Variants in ACVR1C observed in about 807,000 individuals in gnomAD.
ACVR1C encodes activin receptor type-1C.
Under a neutral mutation model 57.9 loss-of-function variants are expected in ACVR1C, and 23 were observed. The ratio of observed to expected loss-of-function variants is 0.40; its 90% CI spans 0.29 to 0.56. The LOEUF (loss-of-function observed/expected upper bound fraction) is 0.56. Among genes scored for constraint, ACVR1C ranks in the 20% least tolerant of loss-of-function variants. ACVR1C has a pLI of 0.50. For synonymous variants in ACVR1C, 214 were observed against 215.3 expected (o/e 0.99, Z 0.05); for missense variants, 480 against 607.9 (o/e 0.79, Z 2.21).
chr2:157,555,111 T>TG (rs1418356807), intron 3 of ACVR1C, among the ~76,000 whole-genome samples: 1 of 116,882 alleles, frequency 8.6e-6, no homozygotes, highest in East Asian at 2.2e-4. Context: ...CTTTTTTTTT[T>TG]TTTTTTTTTT....
chr2:157,538,481 G>A, intron 8 of ACVR1C, 92 bp downstream of exon 8: 1 of 1,226,436 alleles, frequency 8.2e-7, no homozygotes, highest in Non-Finnish European at 1.1e-6. Flanking sequence ...TATATGGAAT[G>A]AATTGGAAAA....
At position 157,526,882 on chromosome 2, in the gene ACVR1C, T is replaced by C. The variant is rs1048783504; in HGVS notation, c.*7036A>G. 1.3e-5 allele frequency: 2 copies of C among 152,152 alleles called. No individual in the cohort carries two copies. Among genetic ancestry groups the C allele is most frequent in the African/African-American group, 4.8e-5 (2 of 41,432 alleles). 9.4% of individuals were successfully genotyped at this position (152,152 alleles called of 1,614,324 possible). Reference sequence around the variant, plus strand: ...TACAAAACAATACATTTTCAGAAAATGCATACATAAAAATATAACATTTAG... The same window carrying C: ...TACAAAACAATACATTTTCAGAAAACGCATACATAAAAATATAACATTTAG... On this transcript the variant is annotated 3_prime_UTR_variant, in exon 9 of 9. Coordinates refer to ENST00000243349, the MANE Select transcript of ACVR1C (RefSeq NM_145259.3).
chr2:157,563,294 A>G (rs1459681279), intron 2 of ACVR1C, among the ~76,000 whole-genome samples: 1 of 152,212 alleles, frequency 6.6e-6, no homozygotes, highest in African/African-American at 2.4e-5. Context: ...ATCAATGTGC[A>G]AAAATCACAA....
At chr2:157,539,873 T>C (rs1016700938) in intron 7 of ACVR1C, among the ~76,000 whole-genome samples, 7 of 152,156 alleles carry the variant, frequency 4.6e-5, no homozygotes, top group Non-Finnish European at 8.8e-5. Context: ...TAATATCATC[T>C]ATGAATAAAA....
intron 8 of ACVR1C, among the ~76,000 whole-genome samples, chr2:157,537,131 A>T (rs1687508806): frequency 6.6e-6 from 1 of 152,132 alleles, no homozygotes; most frequent in Non-Finnish European, 1.5e-5. Context: ...AGTTTCACAA[A>T]TATGCAAAAG....
rs919125680 is a variant in ACVR1C at position 157,587,331 on chromosome 2, T to C, written c.160A>G (p.Asn54Asp). Residue 54 changes from asparagine (N) to aspartate (D), a missense_variant, in exon 2 of 9, where the codon AAT (asparagine) becomes GAT (aspartate). Coordinates refer to ENST00000243349, the MANE Select transcript of ACVR1C (RefSeq NM_145259.3). ...GACWASVMLTNGKEQVIKSCV... is the reference protein window; with the variant it reads ...GACWASVMLTDGKEQVIKSCV... The stretch of plus-strand genomic sequence containing the variant: ...GATTTGATCACCTGCTCTTTTCCAT[T>C]GGTTAGCATGACTGATGCCCAACAT... The C allele has an allele frequency of 3.7e-6, 6 of 1,613,734 alleles. No homozygotes were observed. Among genetic ancestry groups the C allele is most frequent in the Non-Finnish European group, 5.1e-6 (6 of 1,179,672 alleles).
chr2:157,544,202 A>ATTT (rs765521635), intron 5 of ACVR1C, among the ~76,000 whole-genome samples: 7 of 116,958 alleles, frequency 6.0e-5, no homozygotes, highest in East Asian at 2.4e-4. Flanking sequence ...CCACAACCAG[A>ATTT]TTTTTTTTTT....
rs1687322187 is a variant in ACVR1C at position 157,530,110 on chromosome 2, T to C, written c.*3808A>G. The C allele has an allele frequency of 6.6e-6, 1 of 152,140 alleles. No homozygotes were observed. The highest frequency in any genetic ancestry group is 1.5e-5 in the Non-Finnish European group (1 of 67,996). 9.4% of individuals were successfully genotyped at this position (152,140 alleles called of 1,614,324 possible). On this transcript the variant is annotated 3_prime_UTR_variant, in exon 9 of 9. Coordinates refer to ENST00000243349, the MANE Select transcript of ACVR1C (RefSeq NM_145259.3). ...TGGTGCCATTTTAAGATACGAATACTAAACATTTCTAAGTAGCTTGTAATG... is the reference window on the plus strand; with the variant it reads ...TGGTGCCATTTTAAGATACGAATACCAAACATTTCTAAGTAGCTTGTAATG...
At chr2:157,615,631 C>T (rs945310088) in intron 1 of ACVR1C, among the ~76,000 whole-genome samples, 1 of 152,094 alleles carries the variant, frequency 6.6e-6, no homozygotes, top group Non-Finnish European at 1.5e-5. Flanking sequence ...CCACCTTGGC[C>T]TCCCAAAGTG....
At chr2:157,589,767 T>C (rs1339566832) in intron 1 of ACVR1C, among the ~76,000 whole-genome samples, 9 of 151,872 alleles carry the variant, frequency 5.9e-5, no homozygotes, top group Admixed American at 5.9e-4. Flanking sequence ...ATTACCCAAC[T>C]TCAAATTATA....
rs187923164 is a variant in ACVR1C at position 157,557,190 on chromosome 2, A to C, written c.305-858T>G. ...AAAAAAAAAAAAGCAGGGAAGAAAG[A>C]AGGAGTGATGGTGGGATGAAAAGGA... On this transcript the variant is annotated intron_variant, in intron 2 of 8. Transcript: ENST00000243349. 2.0e-4 allele frequency among the ~76,000 whole-genome samples: 31 copies of C among 151,784 alleles called. No individual in the cohort carries two copies. In the East Asian group the frequency reaches 5.4e-3, roughly 26 times the overall value.
intron 2 of ACVR1C, among the ~76,000 whole-genome samples, chr2:157,576,830 A>ATTTTTTTTTT (rs1688665585): frequency 1.5e-5 from 1 of 68,304 alleles, no homozygotes; most frequent in African/African-American, 7.2e-5. Context: ...GGGCTTTGAA[A>ATTTTTTTTTT]TTTTCTTTTT....
chr2:157,530,711 T>C lies in ACVR1C; in HGVS notation c.*3207A>G, dbSNP rs977952614. 5.9e-5 allele frequency: 9 copies of C among 152,118 alleles called. No homozygotes were observed. Among genetic ancestry groups the C allele is most frequent in the Non-Finnish European group, 8.8e-5 (6 of 67,992 alleles). The allele number at this position is 152,118 out of a possible 1,614,324, so 9.4% of individuals were successfully genotyped here. On this transcript the variant is annotated 3_prime_UTR_variant, in exon 9 of 9. Coordinates refer to ENST00000243349, the MANE Select transcript of ACVR1C (RefSeq NM_145259.3). ...GTATAAAGATGAAAAGCAAGTGCTA[T>C]GCCTAAAATAGTGCACGACAGTCAT...
chr2:157,615,538 C>T (rs1235089344), intron 1 of ACVR1C, among the ~76,000 whole-genome samples: 2 of 152,062 alleles, frequency 1.3e-5, no homozygotes, highest in African/African-American at 2.4e-5. Context: ...CCATACCTGG[C>T]TAATTTTTTT....
intron 6 of ACVR1C, among the ~76,000 whole-genome samples, chr2:157,542,183 G>A (rs1477447881): frequency 6.6e-6 from 1 of 152,030 alleles, no homozygotes; most frequent in Non-Finnish European, 1.5e-5. Flanking sequence ...TAAAAATATA[G>A]GTAATACATA....
intron 5 of ACVR1C, 30 bp downstream of exon 5, chr2:157,544,415 G>C (rs1384546714): frequency 4.4e-6 from 7 of 1,578,434 alleles, no homozygotes; most frequent in Non-Finnish European, 6.0e-6. Flanking sequence ...CATATTCAAA[G>C]TGGAAAAAAA....
At chr2:157,536,935 T>C (rs895111394) in intron 8 of ACVR1C, among the ~76,000 whole-genome samples, 1 of 152,174 alleles carries the variant, frequency 6.6e-6, no homozygotes, top group Non-Finnish European at 1.5e-5. Flanking sequence ...GGAAAATCTA[T>C]AAATGTAAGT....
chr2:157,561,456 C>T lies in ACVR1C; in HGVS notation c.305-5124G>A, dbSNP rs189970849. Among the ~76,000 whole-genome samples, 42 of 152,254 alleles carry T rather than the reference C, an allele frequency of 2.8e-4. No homozygotes were observed. In the East Asian group the frequency reaches 6.0e-3, roughly 22 times the overall value. ...AATTCCACCACTGTCAACTGAATGACGTGATGATGTTCTGTCCATCCATCC... is the reference window on the plus strand; with the variant it reads ...AATTCCACCACTGTCAACTGAATGATGTGATGATGTTCTGTCCATCCATCC... On this transcript the variant is annotated intron_variant, in intron 2 of 8. Coordinates refer to ENST00000243349, the MANE Select transcript of ACVR1C (RefSeq NM_145259.3).
chr2:157,554,331 G>C (rs971148249), intron 3 of ACVR1C, among the ~76,000 whole-genome samples: 1 of 133,606 alleles, frequency 7.5e-6, no homozygotes, highest in African/African-American at 2.9e-5. Flanking sequence ...GAAAAAGAAA[G>C]AGAAAGAGAG....
Sources: gnomAD v4.1 joint callset for allele counts (sites outside exome capture counted in the v4.1 genomes callset) on GRCh38, gnomAD v4.1.1 for gene constraint, MANE v1.5 for transcripts, NCBI Gene and HGNC (gene_info 2026-07-23, HGNC 2026-07-21) for gene names.